DSC1: variants seen among roughly 807,000 people sequenced by gnomAD.
DSC1 encodes desmocollin-1.
DSC1 carries 79 observed loss-of-function variants against 98.8 expected under a neutral mutation model. That is an observed-to-expected ratio of 0.80 (90% CI 0.67 to 0.96). The LOEUF is 0.96. Among genes scored for constraint, DSC1 ranks in the 50% least tolerant of loss-of-function variants. DSC1 has a pLI of 0.00. For missense variants in DSC1, 1,115 were observed against 1,075.9 expected (o/e 1.04, Z -0.51); for synonymous variants, 405 against 372.1 (o/e 1.09, Z -1.02).
In DSC1 at chr18:31,154,849, C is replaced by T. The variant is rs769993254; in HGVS notation, c.552G>A (p.Leu184=). The T allele has an allele frequency of 1.2e-6, 2 of 1,613,988 alleles. No homozygotes were observed. The highest frequency in any genetic ancestry group is 2.2e-5 in the South Asian group (2 of 91,068). ...GPGVDKEPFN[L]FYIEKDTGDI... is the part of the protein sequence containing the mutation. ...CCCCAGTGTCTTTCTCTATGTAAAA[C>T]AAATTGAAGGGTTCTTTGTCCACGC... Residue 184 remains leucine (L), a synonymous_variant, in exon 5 of 16, where the codon TTG becomes TTA. Coordinates refer to ENST00000257198, the MANE Select transcript of DSC1 (RefSeq NM_024421.2).
chr18:31,152,168 AC>A (rs1054297392), intron 5 of DSC1, among the ~76,000 whole-genome samples: 2 of 137,910 alleles, frequency 1.5e-5, no homozygotes, highest in Non-Finnish European at 3.1e-5. Context: ...TATCAAAAAA[AC>A]AACAAAAAAA....
In DSC1 at chr18:31,131,604, C is replaced by T. The variant is rs931187626; in HGVS notation, c.2477G>A (p.Arg826Gln). The T allele has an allele frequency of 1.6e-5, 26 of 1,613,846 alleles. No homozygotes were observed. The highest frequency in any genetic ancestry group is 6.7e-5 in the East Asian group (3 of 44,886). Residue 826 changes from arginine (R) to glutamine (Q), a missense_variant, in exon 15 of 16, where the codon CGG (arginine) becomes CAG (glutamine). Coordinates refer to ENST00000257198, the MANE Select transcript of DSC1 (RefSeq NM_024421.2). ...GACAGTGGAACTTACTTCGCCAAGC[C>T]GAGGTTGGGTGAAACTCTGCCAGTC... Reference protein sequence around the residue: ...YTDWQSFTQPRLGEKVYLCGQ... With the variant: ...YTDWQSFTQPQLGEKVYLCGQ...
In DSC1 at chr18:31,142,031, T is replaced by G; in HGVS notation, c.1228A>C (p.Asn410His). 1 of 1,609,652 alleles carries G rather than the reference T, an allele frequency of 6.2e-7. No homozygotes were observed. The highest frequency in any genetic ancestry group is 8.5e-7 in the Non-Finnish European group (1 of 1,179,076). Residue 410 changes from asparagine (N) to histidine (H), a missense_variant, in exon 9 of 16, where the codon AAT becomes CAT. Physicochemically the swap from Asn to His is moderately conservative, Grantham distance 68. Coordinates refer to ENST00000257198, the MANE Select transcript of DSC1 (RefSeq NM_024421.2). ...NGNFIISTDPNTNEGVLCVVK... is the reference protein window; with the variant it reads ...NGNFIISTDPHTNEGVLCVVK... ...ACACACAGCACTCCTTCATTTGTAT[T>G]TGGATCTGTGCTAATTATGAAGTTT...
intron 8 of DSC1, among the ~76,000 whole-genome samples, chr18:31,142,511 A>T (rs925303957): frequency 6.6e-6 from 1 of 152,164 alleles, no homozygotes; most frequent in African/African-American, 2.4e-5. Context: ...ATTTTTACAC[A>T]GTAAACACTT....
At chr18:31,155,351 C>G (rs1035879992) in intron 4 of DSC1, among the ~76,000 whole-genome samples, 5 of 152,052 alleles carry the variant, frequency 3.3e-5, no homozygotes, top group Non-Finnish European at 1.5e-5. Flanking sequence ...AAATTTTGGC[C>G]GGGCGCAGTG....
chr18:31,159,145 T>C (rs371489050), intron 2 of DSC1, among the ~76,000 whole-genome samples: 1,539 of 62,128 alleles, frequency 0.025, 85 homozygotes, highest in African/African-American at 0.078. Context: ...GCTCCGCCTC[T>C]TGGGTTCACG....
chr18:31,138,113 T>C (rs1294719078), intron 11 of DSC1, among the ~76,000 whole-genome samples: 1 of 152,098 alleles, frequency 6.6e-6, no homozygotes, highest in Non-Finnish European at 1.5e-5. Context: ...ACCCAGGTTA[T>C]CTACGGCCCT....
intron 5 of DSC1, 52 bp from the exon 6 acceptor site, chr18:31,148,694 C>A: frequency 8.3e-6 from 12 of 1,449,634 alleles, no homozygotes; most frequent in South Asian, 6.3e-5. Context: ...AAATTATGCA[C>A]AAAAGTAAGC....
intron 7 of DSC1, among the ~76,000 whole-genome samples, chr18:31,145,318 G>C (rs1417349894): frequency 6.6e-6 from 1 of 152,172 alleles, no homozygotes; most frequent in African/African-American, 2.4e-5. Flanking sequence ...AAAAAGTTAA[G>C]CATATTGGAG....
rs1989233858 is a variant in DSC1 at position 31,162,712 on chromosome 18, G to A, written c.-118C>T. The A allele has an allele frequency of 3.6e-6, 3 of 836,174 alleles. No individual in the cohort carries two copies. Among genetic ancestry groups the A allele is most frequent in the Non-Finnish European group, 5.9e-6 (3 of 507,690 alleles). The allele number at this position is 836,174 out of a possible 1,614,324, so 51.8% of individuals were successfully genotyped here. On this transcript the variant is annotated 5_prime_UTR_variant, in exon 1 of 16. Coordinates refer to ENST00000257198, the MANE Select transcript of DSC1 (RefSeq NM_024421.2). Reference sequence around the variant, plus strand: ...GGTATTCTGCTGCCACCTTGATGCAGCTGAGCTTGGTTTGGAAGACAGTCC... The same window carrying A: ...GGTATTCTGCTGCCACCTTGATGCAACTGAGCTTGGTTTGGAAGACAGTCC...
chr18:31,150,502 C>T (rs1358415004), intron 5 of DSC1, among the ~76,000 whole-genome samples: 3 of 18,996 alleles, frequency 1.6e-4, no homozygotes, highest in African/African-American at 3.6e-4. Flanking sequence ...CATCACCACA[C>T]TACCATCATC....
intron 6 of DSC1, among the ~76,000 whole-genome samples, chr18:31,147,593 G>A (rs1318920787): frequency 6.6e-6 from 1 of 151,944 alleles, no homozygotes; most frequent in Non-Finnish European, 1.5e-5. Flanking sequence ...ATATTAATAA[G>A]GAATTCAATG....
chr18:31,158,805 T>C (rs1989150026), intron 2 of DSC1, among the ~76,000 whole-genome samples: 1 of 152,146 alleles, frequency 6.6e-6, no homozygotes, highest in Admixed American at 6.5e-5. Context: ...AATTGAAGAA[T>C]CTTGGCTTTG....
In DSC1 at chr18:31,129,394, C is replaced by G. The variant is rs532794838; in HGVS notation, c.*1120G>C. 1 of 151,966 alleles carries G rather than the reference C, an allele frequency of 6.6e-6. No homozygotes were observed. The highest frequency in any genetic ancestry group is 2.4e-5 in the African/African-American group (1 of 41,374). 9.4% of individuals were successfully genotyped at this position (151,966 alleles called of 1,614,324 possible). ...GATTACAGTCATTCGCCACCATGTC[C>G]GGCTAATTTCTTATATTTTTAGTAG... is the stretch of plus-strand genomic sequence containing the variant. On this transcript the variant is annotated 3_prime_UTR_variant, in exon 16 of 16. Coordinates refer to ENST00000257198, the MANE Select transcript of DSC1 (RefSeq NM_024421.2).
chr18:31,129,583 A>T lies in DSC1; in HGVS notation c.*931T>A, dbSNP rs1171317408. ...GTATATCAGAGTTGCAGCCTAATGC[A>T]TCAGGGCTAGTTGTCCAAATGCTTG... On this transcript the variant is annotated 3_prime_UTR_variant, in exon 16 of 16. Transcript: ENST00000257198. 6.6e-6 allele frequency: 1 copy of T among 152,186 alleles called. No homozygotes were observed. The highest frequency in any genetic ancestry group is 1.5e-5 in the Non-Finnish European group (1 of 68,042). The allele number at this position is 152,186 out of a possible 1,614,324, so 9.4% of individuals were successfully genotyped here.
rs1988548574 is a variant in DSC1 at position 31,133,927 on chromosome 18, T to C, written c.2080A>G (p.Ile694Val). The change falls in exon 13 of 16, where the codon ATT becomes GTT. Residue 694 changes from isoleucine to valine, a missense_variant. Coordinates refer to ENST00000257198, the MANE Select transcript of DSC1 (RefSeq NM_024421.2). ...RPNVILGRWAILAMVLGSVLL... is the reference protein window; with the variant it reads ...RPNVILGRWAVLAMVLGSVLL... Reference sequence around the variant, plus strand: ...ACAGAACCCAACACCATAGCAAGAATAGCCCATCTTCCAAGTATTACATTT... The same window carrying C: ...ACAGAACCCAACACCATAGCAAGAACAGCCCATCTTCCAAGTATTACATTT... 9 of 1,613,114 alleles carry C rather than the reference T, an allele frequency of 5.6e-6. No individual in the cohort carries two copies. Among genetic ancestry groups the C allele is most frequent in the African/African-American group, 5.3e-5 (4 of 74,890 alleles).
In DSC1 at chr18:31,157,605, A is replaced by T. The variant is rs370728904; in HGVS notation, c.149-32T>A. On this transcript the variant is annotated intron_variant, in intron 2 of 15. Transcript: ENST00000257198. Reference sequence around the variant, plus strand: ...GGAAGAAATATCACAGCAGTTTGTCAGATGAAACAGGAGTGGAACAAGTTT... The same window carrying T: ...GGAAGAAATATCACAGCAGTTTGTCTGATGAAACAGGAGTGGAACAAGTTT... The T allele has an allele frequency of 8.3e-5, 134 of 1,612,460 alleles. No homozygotes were observed. The African/African-American group carries it at 1.7e-3, about 21-fold the overall frequency.
rs1272442808 is a variant in DSC1 at position 31,130,459 on chromosome 18, A to C, written c.*55T>G. On this transcript the variant is annotated 3_prime_UTR_variant, in exon 16 of 16. Transcript: ENST00000257198. ...TTAGCAGATGCTGCTAACATTCTGC[A>C]AGTAATAAATTCCTACTTATGCATC... is the stretch of plus-strand genomic sequence containing the variant. 18 of 1,591,484 alleles carry C rather than the reference A, an allele frequency of 1.1e-5. No homozygotes were observed. Among genetic ancestry groups the C allele is most frequent in the Non-Finnish European group, 1.5e-5 (18 of 1,162,794 alleles).
chr18:31,154,624 GA>G, intron 5 of DSC1, 149 bp downstream of exon 5: 1 of 718,418 alleles, frequency 1.4e-6, no homozygotes, highest in Middle Eastern at 4.1e-4. Flanking sequence ...CATCAATGGT[GA>G]ATAGAAATTT....
Sources: gnomAD v4.1 joint callset for allele counts (sites outside exome capture counted in the v4.1 genomes callset) on GRCh38, gnomAD v4.1.1 for gene constraint, MANE v1.5 for transcripts, NCBI Gene and HGNC (gene_info 2026-07-23, HGNC 2026-07-21) for gene names.